MAN2B1: variants seen among roughly 807,000 people sequenced by gnomAD.
MAN2B1 encodes the protein mannosidase alpha class 2B member 1.
Under a neutral mutation model 127.5 loss-of-function variants are expected in MAN2B1, and 99 were observed. That is an observed-to-expected ratio of 0.78 (90% CI 0.66 to 0.92). The LOEUF (loss-of-function observed/expected upper bound fraction) is 0.92, where lower values mean the gene tolerates loss of function less well. MAN2B1 is among the 40% of genes least tolerant of loss of function. MAN2B1 has a pLI of 0.00. For synonymous variants in MAN2B1, 573 were observed against 568.8 expected (o/e 1.01, Z -0.11); for missense variants, 1,304 against 1,384.8 (o/e 0.94, Z 0.93).
chr19:12,666,675 C>T lies in MAN2B1; in HGVS notation c.27G>A (p.Gly9=). 1 of 1,551,300 alleles carries T rather than the reference C, an allele frequency of 6.4e-7. No homozygotes were observed. Among genetic ancestry groups the T allele is most frequent in the Non-Finnish European group, 8.7e-7 (1 of 1,147,636 alleles). ...AGTCCAGGCAGCCGCGAGCGCAGAC[C>T]CCCGAAGCCCGCGCGTAGGCGCCCA... The part of the protein sequence containing the change: MGAYARAS[G]VCARGCLDSA... Residue 9 remains glycine (G), a synonymous_variant, in exon 1 of 24, where the codon GGG becomes GGA. Transcript: ENST00000456935.
Position 12,647,405 on chromosome 19 carries a change from C to T in MAN2B1, c.2820+38G>A. 1.9e-6 allele frequency: 3 copies of T among 1,613,228 alleles called. No homozygotes were observed. The highest frequency in any genetic ancestry group is 1.7e-6 in the Non-Finnish European group (2 of 1,179,156). ...GTTTCTCTTCTCTCCCTCTCTCTTG[C>T]CTCTCTCCGATCTCCTTCTCAATTT... On this transcript the variant is annotated intron_variant, in intron 22 of 23. Transcript: ENST00000456935. The surrounding 1 kb of genome is among the most constrained non-coding windows in gnomAD (Gnocchi z 4.9).
chr19:12,655,877 C>A lies in MAN2B1; in HGVS notation c.1647G>T (p.Val549=). The change falls in exon 14 of 24, where the codon GTG becomes GTT. Residue 549 remains valine, a splice_region_variant and synonymous_variant. Transcript: ENST00000456935. ...GGCTGTCTGAGCTGGGAAATATTAC[C>A]ACCTCGGATAAAGGAGGAGGGAAAC... The part of the protein sequence containing the change: ...DPNGRTVPSD[V]VIFPSSDSQA... The A allele has an allele frequency of 6.2e-7, 1 of 1,613,666 alleles. No homozygotes were observed. The highest frequency in any genetic ancestry group is 1.1e-5 in the South Asian group (1 of 91,050).
Position 12,646,673 on chromosome 19 carries a change from T to A in MAN2B1, c.2983A>T (p.Met995Leu). The change falls in exon 24 of 24, where the codon ATG becomes TTG. Residue 995 changes from methionine to leucine, a missense_variant. Transcript: ENST00000456935. ...GAGGCCAGGAAAGTGCGGATTTCCATGGGTTCCAGCGTGATGTTGGCCGGG... is the reference window on the plus strand; with the variant it reads ...GAGGCCAGGAAAGTGCGGATTTCCAAGGGTTCCAGCGTGATGTTGGCCGGG... ...LDPANITLEP[M>L]EIRTFLASVQ... 1 of 1,614,054 alleles carries A rather than the reference T, an allele frequency of 6.2e-7. No individual in the cohort carries two copies. The highest frequency in any genetic ancestry group is 8.5e-7 in the Non-Finnish European group (1 of 1,179,996).
At chr19:12,657,954 CAAAAAAAA>C (rs35296973) in intron 10 of MAN2B1, 101 bp downstream of exon 10, 556 of 484,928 alleles carry the variant, frequency 1.1e-3, no homozygotes, top group Non-Finnish European at 1.3e-3. Flanking sequence ...GACTCCGTCT[CAAAAAAAA>C]AAAAAAAAAA....
Position 12,661,354 on chromosome 19 carries a change from T to C in MAN2B1, c.932A>G (p.His311Arg), listed in dbSNP as rs763767280. ...GTCCGAGCCCATGGTCATCACAGTG[T>C]GGTTGGTGCGGTAATACCGGCCCTG... ...TAQGRYYRTN[H>R]TVMTMGSDFQ... The change falls in exon 7 of 24, where the codon CAC becomes CGC. Residue 311 changes from histidine to arginine, a missense_variant. Physicochemically the swap from His to Arg is conservative, Grantham distance 29. Coordinates refer to ENST00000456935, the MANE Select transcript of MAN2B1 (RefSeq NM_000528.4). 6.2e-7 allele frequency: 1 copy of C among 1,613,556 alleles called. No individual in the cohort carries two copies. The highest frequency in any genetic ancestry group is 8.5e-7 in the Non-Finnish European group (1 of 1,179,544).
At chr19:12,656,148 G>C (rs376415811) in intron 13 of MAN2B1, 3 of 470,006 alleles carry the variant, frequency 6.4e-6, no homozygotes, top group East Asian at 3.8e-5. Context: ...GCAGGTTCTC[G>C]GGGGAGGAAG....
In MAN2B1 at chr19:12,663,780, C is replaced by T. The variant is rs574202419; in HGVS notation, c.686G>A (p.Arg229Gln). 35 of 1,614,188 alleles carry T rather than the reference C, an allele frequency of 2.2e-5. No individual in the cohort carries two copies. The highest frequency in any genetic ancestry group is 8.9e-5 in the East Asian group (4 of 44,884). The change falls in exon 5 of 24, where the codon CGG (arginine) becomes CAG (glutamine). Residue 229 changes from arginine (R) to glutamine (Q), a missense_variant. Transcript: ENST00000456935. ...CTGCTCCATCTCCAGCTTCTGCATC[C>T]GTACCCACTTATCTTGATAATCAAG... ...GRLDYQDKWVRMQKLEMEQVW... is the reference protein window; with the variant it reads ...GRLDYQDKWVQMQKLEMEQVW...
At chr19:12,665,661 G>A in intron 2 of MAN2B1, 42 bp downstream of exon 2, 1 of 1,596,188 alleles carries the variant, frequency 6.3e-7, no homozygotes, top group Non-Finnish European at 8.6e-7. Context: ...GGATTACAGG[G>A]ACCATGGGGA....
At position 12,665,748 on chromosome 19, in the gene MAN2B1, C is replaced by G; in HGVS notation, c.217G>C (p.Asp73His). 3 of 1,614,188 alleles carry G rather than the reference C, an allele frequency of 1.9e-6. No individual in the cohort carries two copies. Among genetic ancestry groups the G allele is most frequent in the African/African-American group, 1.3e-5 (1 of 75,044 alleles). ...LNVHLLPHTH[D>H]DVGWLKTVDQ... ...ACGGTTTTGAGCCAGCCCACGTCAT[C>G]ATGTGTGTGAGGCAGCAGGTGCACG... Residue 73 changes from aspartate (D) to histidine (H), a missense_variant, in exon 2 of 24, where the codon GAT becomes CAT. Coordinates refer to ENST00000456935, the MANE Select transcript of MAN2B1 (RefSeq NM_000528.4).
Position 12,657,487 on chromosome 19 carries a change from C to T in MAN2B1, c.1378G>A (p.Asp460Asn), listed in dbSNP as rs896102077. Residue 460 changes from aspartate (D) to asparagine (N), a missense_variant, in exon 11 of 24, where the codon GAC becomes AAC. Asp to Asn is a conservative substitution (Grantham distance 23). Coordinates refer to ENST00000456935, the MANE Select transcript of MAN2B1 (RefSeq NM_000528.4). ...CCTGCCGCAAGCTGGCGCGCGTAGT[C>T]GTTGGCCACGTGCTGGCGGGAGGTG... is the stretch of plus-strand genomic sequence containing the variant. ...SGTSRQHVAN[D>N]YARQLAAGWG... is the part of the protein sequence containing the mutation. 1 of 1,569,328 alleles carries T rather than the reference C, an allele frequency of 6.4e-7. No individual in the cohort carries two copies. The highest frequency in any genetic ancestry group is 8.6e-7 in the Non-Finnish European group (1 of 1,157,936).
chr19:12,662,052 C>T, intron 6 of MAN2B1, among the ~76,000 whole-genome samples: 1 of 152,112 alleles, frequency 6.6e-6, no homozygotes, highest in African/African-American at 2.4e-5. Context: ...GTCATTTTGG[C>T]TATGCTGGTC....
In MAN2B1 at chr19:12,650,172, C is replaced by A; in HGVS notation, c.2097G>T (p.Gln699His). Residue 699 changes from glutamine to histidine, a missense_variant, in exon 17 of 24, where the codon CAG becomes CAT. Transcript: ENST00000456935. The stretch of plus-strand genomic sequence containing the variant: ...GCTGTCCTGGGTACAGGCGAACCAC[C>A]TGGGAACACCAAGCTGAGAAGTTCT... ...VHQNFSAWCS[Q>H]VVRLYPGQRH... 1 of 1,614,052 alleles carries A rather than the reference C, an allele frequency of 6.2e-7. No individual in the cohort carries two copies. Among genetic ancestry groups the A allele is most frequent in the Non-Finnish European group, 8.5e-7 (1 of 1,180,016 alleles).
rs764749905 is a variant in MAN2B1 at position 12,664,166 on chromosome 19, T to C, written c.631-331A>G. Among the ~76,000 whole-genome samples the C allele has an allele frequency of 2.9e-4, 44 of 152,184 alleles. No individual in the cohort carries two copies. In the Middle Eastern group the frequency reaches 0.02, roughly 71 times the overall value. On this transcript the variant is annotated intron_variant, in intron 4 of 23. Transcript: ENST00000456935. ...GCTTGAATCCGGGAGATTGAGGCTATAGTGAGTTAGGATTGCACCACTGCA... is the reference window on the plus strand; with the variant it reads ...GCTTGAATCCGGGAGATTGAGGCTACAGTGAGTTAGGATTGCACCACTGCA...
At chr19:12,650,842 G>C (rs1823606397) in intron 16 of MAN2B1, among the ~76,000 whole-genome samples, 2 of 150,650 alleles carry the variant, frequency 1.3e-5, no homozygotes. Context: ...GCTAATTTTT[G>C]TATTTTTAGT....
chr19:12,652,536 C>T (rs544088924), intron 14 of MAN2B1, 76 bp from the exon 15 acceptor site: 375 of 779,532 alleles, frequency 4.8e-4, no homozygotes, highest in Admixed American at 2.1e-3. Context: ...TTTCTTTTTT[C>T]TTTTTTTTTT....
Position 12,658,472 on chromosome 19 carries a change from G to C in MAN2B1, c.1065C>G (p.Thr355=). 3 of 1,614,202 alleles carry C rather than the reference G, an allele frequency of 1.9e-6. No homozygotes were observed. The South Asian group carries it at 3.3e-5, about 18-fold the overall frequency. The change falls in exon 8 of 24, where the codon ACC becomes ACG. Residue 355 remains threonine, a synonymous_variant. Coordinates refer to ENST00000456935, the MANE Select transcript of MAN2B1 (RefSeq NM_000528.4). ...TCAGCTCCCAGAGGTAACAAGCGGG[G>C]GTGGAGTAGAGAACATGGACACTGC... ...KGSSVHVLYS[T]PACYLWELNK...
intron 7 of MAN2B1, among the ~76,000 whole-genome samples, chr19:12,660,092 T>A (rs2024066851): frequency 6.6e-6 from 1 of 152,116 alleles, no homozygotes; most frequent in Non-Finnish European, 1.5e-5. Context: ...TTGGGTAAAA[T>A]GATAACTGCC....
intron 11 of MAN2B1, 97 bp from the exon 12 acceptor site, chr19:12,657,153 T>A (rs2023983680): frequency 1.3e-6 from 1 of 791,092 alleles, no homozygotes. Context: ...CTGTCCCGCC[T>A]CCCTCAAGAG....
rs1365532315 is a variant in MAN2B1 at position 12,647,260 on chromosome 19, A to C, written c.2896T>G (p.Ser966Ala). The C allele has an allele frequency of 2.5e-6, 4 of 1,613,974 alleles. No homozygotes were observed. The South Asian group carries it at 4.4e-5, about 18-fold the overall frequency. The change falls in exon 23 of 24, where the codon TCC becomes GCC. Residue 966 changes from serine to alanine, a missense_variant. Physicochemically the swap from Ser to Ala is moderately conservative, Grantham distance 99. Transcript: ENST00000456935. This position sits in a 1 kb window ranked among gnomAD's most constrained non-coding sequence, Gnocchi z 4.9. The part of the protein sequence containing the change: ...LVANQLREAA[S>A]RLKWTTNTGP... ...GTGTTTGTTGTCCACTTGAGCCTGGAGGCTGCCTCGCGGAGCTGGTTGGCC... is the reference window on the plus strand; with the variant it reads ...GTGTTTGTTGTCCACTTGAGCCTGGCGGCTGCCTCGCGGAGCTGGTTGGCC...
Sources: allele counts gnomAD v4.1 joint callset (sites outside exome capture counted in the v4.1 genomes callset), GRCh38; gene constraint gnomAD v4.1.1; non-coding constraint Gnocchi (gnomAD v3.1); transcripts MANE v1.5; gene names NCBI Gene and HGNC (gene_info 2026-07-23, HGNC 2026-07-21).